STRA8: variants seen among roughly 807,000 people sequenced by gnomAD.
STRA8 encodes stimulated by retinoic acid gene 8 protein homolog.
STRA8 carries 18 observed loss-of-function variants against 37.1 expected under a neutral mutation model. That is an observed-to-expected ratio of 0.48 (90% confidence interval 0.34 to 0.72). The LOEUF (loss-of-function observed/expected upper bound fraction) is 0.72. Among genes scored for constraint, STRA8 ranks in the 30% least tolerant of loss-of-function variants. STRA8 has a pLI of 0.01. For missense variants in STRA8, 357 were observed against 410.4 expected (o/e 0.87, Z 1.13); for synonymous variants, 168 against 162.9 (o/e 1.03, Z -0.24).
At chr7:135,232,096 C>T, upstream of STRA8, 1 of 1,138,220 alleles carries the variant, frequency 8.8e-7, no homozygotes, top group Non-Finnish European at 1.3e-6. Flanking sequence ...GGGTGCACAT[C>T]TGCTTGTGTG....
At chr7:135,236,046 G>A (rs1291225082) in intron 1 of STRA8, among the ~76,000 whole-genome samples, 1 of 151,952 alleles carries the variant, frequency 6.6e-6, no homozygotes, top group Non-Finnish European at 1.5e-5. Context: ...AGGCTGCAAT[G>A]AGCCATGAGC....
intron 1 of STRA8, among the ~76,000 whole-genome samples, chr7:135,240,107 G>C (rs1331186297): frequency 6.6e-6 from 1 of 152,042 alleles, no homozygotes; most frequent in Non-Finnish European, 1.5e-5. Flanking sequence ...TGCTCTCCTT[G>C]GCCACGCGTA....
In STRA8 at chr7:135,246,686, T is replaced by C. The variant is rs766355403; in HGVS notation, c.863T>C (p.Val288Ala). 2.0e-6 allele frequency: 3 copies of C among 1,526,098 alleles called. No homozygotes were observed. In the South Asian group the frequency reaches 3.6e-5, roughly 18 times the overall value. 94.5% of individuals were successfully genotyped at this position (1,526,098 alleles called of 1,614,324 possible). Residue 288 changes from valine to alanine, a missense_variant, in exon 6 of 9, where the codon GTC (valine) becomes GCC (alanine). Transcript: ENST00000662584. This position sits in a 1 kb window ranked among gnomAD's most constrained non-coding sequence, Gnocchi z 5.4. The stretch of plus-strand genomic sequence containing the variant: ...AGCCAGGGGGCCAGCTGCTCGCTGG[T>C]CTCCACGCCCGAGGAGGTGAGCAGG... ...VDSQGASCSL[V>A]STPEEILFED...
chr7:135,251,747 G>T, intron 6 of STRA8, 49 bp from the exon 7 acceptor site: 1 of 1,595,180 alleles, frequency 6.3e-7, no homozygotes, highest in South Asian at 1.1e-5. Context: ...GGGCAAGCAT[G>T]AAATTGTCAA....
chr7:135,253,570 G>A (rs1461701250), intron 7 of STRA8, among the ~76,000 whole-genome samples: 5 of 152,152 alleles, frequency 3.3e-5, no homozygotes, highest in African/African-American at 7.2e-5. Flanking sequence ...TGATGGGAAC[G>A]GATATGGAAG....
At position 135,245,321 on chromosome 7, in the gene STRA8, C is replaced by T. The variant is rs1333331391; in HGVS notation, c.387C>T (p.Ser129=). 2 of 780,916 alleles carry T rather than the reference C, an allele frequency of 2.6e-6. No individual in the cohort carries two copies. The highest frequency in any genetic ancestry group is 4.8e-5 in the East Asian group (2 of 41,246). The allele number at this position is 780,916 out of a possible 1,614,324, so 48.4% of individuals were successfully genotyped here. Residue 129 remains serine (S), a synonymous_variant, in exon 5 of 9, where the codon TCC becomes TCT. Transcript: ENST00000662584. The stretch of plus-strand genomic sequence containing the variant: ...CAAACAGTTTTCCTCAGAATGGTTC[C>T]TCCCCTTGGTGCCCAACTGAGGCAG... The part of the protein sequence containing the change: ...LLSNSFPQNG[S]SPWCPTEAVR...
intron 1 of STRA8, among the ~76,000 whole-genome samples, chr7:135,235,215 C>A (rs1253963274): frequency 6.6e-6 from 1 of 152,072 alleles, no homozygotes; most frequent in Non-Finnish European, 1.5e-5. Flanking sequence ...GAGCTATGGC[C>A]ATTCTGAAAG....
At chr7:135,233,049 C>G (rs1832316658), upstream of STRA8, among the ~76,000 whole-genome samples, 1 of 152,186 alleles carries the variant, frequency 6.6e-6, no homozygotes, top group Non-Finnish European at 1.5e-5. Flanking sequence ...CCAGTGTCAA[C>G]CAGATATAGT....
chr7:135,246,339 G>A lies in STRA8; in HGVS notation c.594-78G>A. On this transcript the variant is annotated intron_variant, in intron 5 of 8. Coordinates refer to ENST00000662584, the MANE Select transcript of STRA8 (RefSeq NM_001394401.1). This position sits in a 1 kb window ranked among gnomAD's most constrained non-coding sequence, Gnocchi z 5.4. ...GCCGTGGCCGGGCCTGCGTGCTGGGGTCCACACCATGAACCGAATCCCGAA... is the reference window on the plus strand; with the variant it reads ...GCCGTGGCCGGGCCTGCGTGCTGGGATCCACACCATGAACCGAATCCCGAA... 1 of 1,546,124 alleles carries A rather than the reference G, an allele frequency of 6.5e-7. No homozygotes were observed. The highest frequency in any genetic ancestry group is 8.8e-7 in the Non-Finnish European group (1 of 1,141,984).
upstream of STRA8, among the ~76,000 whole-genome samples, chr7:135,232,387 G>A (rs147179687): frequency 3.9e-4 from 60 of 151,950 alleles, no homozygotes; most frequent in East Asian, 0.011. Context: ...CTAGGTCAAG[G>A]GCTGCGTGAC....
intron 1 of STRA8, among the ~76,000 whole-genome samples, chr7:135,234,115 T>TATC (rs1278476923): frequency 2.6e-5 from 4 of 150,992 alleles, no homozygotes; most frequent in Admixed American, 2.6e-4. Context: ...TTATTATTAT[T>TATC]ATCATTTTGA....
intron 7 of STRA8, 147 bp downstream of exon 7, chr7:135,252,016 G>A (rs2117820918): frequency 1.6e-6 from 1 of 633,998 alleles, no homozygotes; most frequent in Non-Finnish European, 2.8e-6. Flanking sequence ...GAGAGAGAGT[G>A]TGTGTGTGTG....
At position 135,258,061 on chromosome 7, in the gene STRA8, T is replaced by C. The variant is rs112355712; in HGVS notation, c.1066-357T>C. ...TGGAAATGAGCTGCATGGTGTTTCA[T>C]TGGTGGGAGCACCGTGGTGCAGTGC... On this transcript the variant is annotated intron_variant, in intron 8 of 8. Transcript: ENST00000662584. Among the ~76,000 whole-genome samples, 371 of 152,368 alleles carry C rather than the reference T, an allele frequency of 2.4e-3. 3 individuals are homozygous for C. Among genetic ancestry groups the C allele is most frequent in the African/African-American group, 8.5e-3 (355 of 41,594 alleles).
At chr7:135,238,390 A>G (rs2117788015) in intron 1 of STRA8, among the ~76,000 whole-genome samples, 1 of 152,266 alleles carries the variant, frequency 6.6e-6, no homozygotes, top group South Asian at 2.1e-4. Flanking sequence ...GAGGCAGAGG[A>G]CTGCACTCTT....
At chr7:135,248,110 C>G (rs1046478505) in intron 6 of STRA8, among the ~76,000 whole-genome samples, 1 of 152,170 alleles carries the variant, frequency 6.6e-6, no homozygotes, top group Non-Finnish European at 1.5e-5. Context: ...AGAGAGCGTC[C>G]GATTGTCTCT....
chr7:135,252,296 T>G (rs1832648907), intron 7 of STRA8, among the ~76,000 whole-genome samples: 2 of 151,978 alleles, frequency 1.3e-5, no homozygotes, highest in African/African-American at 4.8e-5. Context: ...AAGGGGGAAG[T>G]GCTACACACT....
rs1185480389 is a variant in STRA8, at chr7:135,246,573, G to A, written c.750G>A (p.Ala250=). The change falls in exon 6 of 9, where the codon GCG becomes GCA. Residue 250 remains alanine, a synonymous_variant. Transcript: ENST00000662584. The surrounding 1 kb of genome is among the most constrained non-coding windows in gnomAD (Gnocchi z 5.4). ...ERKASLRQAW[A]QKHRGPATLA... is the part of the protein sequence containing the mutation. ...AGGCCAGCCTCCGGCAGGCCTGGGC[G>A]CAGAAGCACCGCGGCCCTGCGACCC... is the stretch of plus-strand genomic sequence containing the variant. 7 of 1,552,248 alleles carry A rather than the reference G, an allele frequency of 4.5e-6. No homozygotes were observed. Among genetic ancestry groups the A allele is most frequent in the East Asian group, 2.4e-5 (1 of 41,132 alleles).
chr7:135,241,841 C>T (rs1832468935), intron 2 of STRA8, among the ~76,000 whole-genome samples: 2 of 152,168 alleles, frequency 1.3e-5, no homozygotes, highest in South Asian at 4.1e-4. Flanking sequence ...GGACTTACCA[C>T]ATAGTTTTGC....
chr7:135,255,007 ATG>A, intron 7 of STRA8, 105 bp from the exon 8 acceptor site: 1 of 844,424 alleles, frequency 1.2e-6, no homozygotes, highest in Non-Finnish European at 2.0e-6. Context: ...GAGAATTTAC[ATG>A]TGCTTGGTTC....
Sources: gnomAD v4.1 joint callset for allele counts (sites outside exome capture counted in the v4.1 genomes callset) on GRCh38, gnomAD v4.1.1 for gene constraint, Gnocchi (gnomAD v3.1) non-coding constraint, MANE v1.5 for transcripts, NCBI Gene and HGNC (gene_info 2026-07-23, HGNC 2026-07-21) for gene names.